Variants in IGBP1C observed in about 807,000 individuals in gnomAD.
The protein encoded by IGBP1C is IGBP1 family member C, also known as immunoglobulin-binding protein 1 family member C.
chr17:58,679,604 G>T, the IGBP1C span: 3 of 152,178 alleles, frequency 2.0e-5, no homozygotes, highest in African/African-American at 7.2e-5. Flanking sequence ...AACCACAGGG[G>T]TCAGCACATC....
chr17:58,675,894 T>C, the IGBP1C span, among the ~76,000 whole-genome samples: 1 of 152,206 alleles, frequency 6.6e-6, no homozygotes, highest in Non-Finnish European at 1.5e-5. Context: ...TCTGGACTTT[T>C]TGCATTTTTA....
the IGBP1C span, among the ~76,000 whole-genome samples, chr17:58,682,144 T>A: frequency 1.3e-5 from 2 of 152,072 alleles, no homozygotes; most frequent in African/African-American, 4.8e-5. Context: ...AGAGGGAGTT[T>A]CACCATGTTG....
chr17:58,673,674 A>C, the IGBP1C span, among the ~76,000 whole-genome samples: 2 of 151,696 alleles, frequency 1.3e-5, no homozygotes, highest in Non-Finnish European at 2.9e-5. Context: ...TGATCCTCCC[A>C]CCTCACCCTC....
the IGBP1C span, among the ~76,000 whole-genome samples, chr17:58,662,845 C>T: frequency 2.0e-5 from 3 of 152,090 alleles, no homozygotes; most frequent in African/African-American, 7.2e-5. Context: ...TGTGACCGGG[C>T]GCGGTGGCTC....
chr17:58,664,659 G>A, the IGBP1C span, among the ~76,000 whole-genome samples: 5 of 152,102 alleles, frequency 3.3e-5, no homozygotes, highest in Non-Finnish European at 4.4e-5. Flanking sequence ...GCCACATTAC[G>A]ATTTTGAAGG....
chr17:58,683,590 C>A, the IGBP1C span, among the ~76,000 whole-genome samples: 1 of 148,096 alleles, frequency 6.8e-6, no homozygotes, highest in East Asian at 2.0e-4. Flanking sequence ...TGGTGAAAAC[C>A]TGTCTCTACT....
the IGBP1C span, among the ~76,000 whole-genome samples, chr17:58,663,777 C>G: frequency 2.0e-5 from 3 of 152,262 alleles, no homozygotes; most frequent in South Asian, 6.2e-4. Context: ...CACTAAATGT[C>G]TTACTCAACA....
the IGBP1C span, among the ~76,000 whole-genome samples, chr17:58,689,227 A>T: frequency 6.8e-6 from 1 of 147,320 alleles, no homozygotes. Flanking sequence ...ACGCTCAGCT[A>T]ATTTATTTAT....
chr17:58,678,987 C>T, the IGBP1C span, among the ~76,000 whole-genome samples: 1 of 151,910 alleles, frequency 6.6e-6, no homozygotes, highest in Non-Finnish European at 1.5e-5. Flanking sequence ...AACCCCGTCT[C>T]TACTAAAAAT....
chr17:58,677,321 G>C, the IGBP1C span, among the ~76,000 whole-genome samples: 1 of 152,080 alleles, frequency 6.6e-6, no homozygotes, highest in South Asian at 2.1e-4. Flanking sequence ...TCCTTCCTGA[G>C]TTTGATTTCC....
chr17:58,678,149 C>G, the IGBP1C span, among the ~76,000 whole-genome samples: 6 of 151,542 alleles, frequency 4.0e-5, no homozygotes, highest in African/African-American at 1.5e-4. Flanking sequence ...GACTCCAACT[C>G]AAGGGGGAAA....
the IGBP1C span, chr17:58,660,812 C>A: frequency 2.6e-6 from 2 of 782,422 alleles, no homozygotes; most frequent in East Asian, 4.8e-5. Flanking sequence ...GGAAGCCAGA[C>A]TTGGATAGCC....
chr17:58,680,897 A>G, the IGBP1C span, among the ~76,000 whole-genome samples: 13 of 152,198 alleles, frequency 8.5e-5, no homozygotes, highest in Non-Finnish European at 1.5e-4. Flanking sequence ...CTGCCAAAAT[A>G]AATTAGCCAG....
the IGBP1C span, among the ~76,000 whole-genome samples, chr17:58,662,842 G>C: frequency 3.9e-5 from 6 of 152,090 alleles, no homozygotes; most frequent in Non-Finnish European, 5.9e-5. Flanking sequence ...TAATGTGACC[G>C]GGCGCGGTGG....
At chr17:58,682,160 G>A in the IGBP1C span, among the ~76,000 whole-genome samples, 1 of 152,052 alleles carries the variant, frequency 6.6e-6, no homozygotes, top group Non-Finnish European at 1.5e-5. Flanking sequence ...TGTTGCCCAG[G>A]CTGGGCTCAA....
At chr17:58,681,014 G>C in the IGBP1C span, among the ~76,000 whole-genome samples, 5 of 152,190 alleles carry the variant, frequency 3.3e-5, no homozygotes, top group South Asian at 1.0e-3. Context: ...AGGTGCAGTG[G>C]CTCACACCTG....
the IGBP1C span, among the ~76,000 whole-genome samples, chr17:58,670,780 A>C: frequency 4.0e-4 from 60 of 149,990 alleles, no homozygotes; most frequent in African/African-American, 1.2e-3. Context: ...CTTAAAAAAA[A>C]AAAAAAAAAA....
chr17:58,661,005 G>A, the IGBP1C span: 2 of 1,172,824 alleles, frequency 1.7e-6, no homozygotes, highest in Non-Finnish European at 2.6e-6. Flanking sequence ...CACCTCTGAA[G>A]GTGAAGAAGA....
chr17:58,684,272 A>G, the IGBP1C span, among the ~76,000 whole-genome samples: 4 of 148,134 alleles, frequency 2.7e-5, no homozygotes, highest in African/African-American at 1.0e-4. Flanking sequence ...GACCAGCCTG[A>G]CCAATATGAT....
Sources: allele counts gnomAD v4.1 joint callset (sites outside exome capture counted in the v4.1 genomes callset), GRCh38; gene constraint gnomAD v4.1.1; transcripts MANE v1.5; gene names NCBI Gene and HGNC (gene_info 2026-07-23, HGNC 2026-07-21).